GABRG3: variants seen among roughly 807,000 people sequenced by gnomAD.
The protein encoded by GABRG3 is gamma-aminobutyric acid type A receptor subunit gamma3.
Under a neutral mutation model 48.8 loss-of-function variants are expected in GABRG3, and 25 were observed. That is an observed-to-expected ratio of 0.51 (90% CI 0.37 to 0.72). The LOEUF (loss-of-function observed/expected upper bound fraction) is 0.72, where lower values mean the gene tolerates loss of function less well. GABRG3 is among the 30% of genes least tolerant of loss of function. The pLI is 0.00. For missense variants in GABRG3, 394 were observed against 577.9 expected, an observed-to-expected ratio of 0.68 and a Z score of 3.26; for synonymous variants, 227 against 217.6, an observed-to-expected ratio of 1.04 and a Z score of -0.38.
At chr15:27,098,038 GAGTT>G (rs1329984674) in intron 3 of GABRG3, among the ~76,000 whole-genome samples, 3 of 150,850 alleles carry the variant, frequency 2.0e-5, no homozygotes, top group African/African-American at 4.9e-5. Flanking sequence ...CACACAGAAA[GAGTT>G]AGGCCTGAAT....
intron 5 of GABRG3, among the ~76,000 whole-genome samples, chr15:27,383,252 A>G (rs1895829674): frequency 6.6e-6 from 1 of 152,168 alleles, no homozygotes; most frequent in African/African-American, 2.4e-5. Context: ...AGTTTGTGCT[A>G]TTACTTATTT....
chr15:27,334,223 A>C (rs553098934), intron 5 of GABRG3, among the ~76,000 whole-genome samples: 105 of 152,234 alleles, frequency 6.9e-4, no homozygotes, highest in Non-Finnish European at 1.3e-3. Context: ...CAAAATGTTA[A>C]GAATGCCAGT....
chr15:27,481,763 A>T (rs1330798314), intron 6 of GABRG3, among the ~76,000 whole-genome samples: 1 of 152,172 alleles, frequency 6.6e-6, no homozygotes, highest in African/African-American at 2.4e-5. Flanking sequence ...TTTAAATATT[A>T]AACAATGACG....
chr15:27,232,419 C>T (rs575890024), intron 3 of GABRG3, among the ~76,000 whole-genome samples: 4 of 152,180 alleles, frequency 2.6e-5, no homozygotes, highest in Admixed American at 6.5e-5. Context: ...CTTACCCGGG[C>T]GTCCACCTGG....
intron 3 of GABRG3, among the ~76,000 whole-genome samples, chr15:27,186,780 T>G (rs208122): frequency 0.18 from 27,569 of 152,114 alleles, 2,588 homozygotes; most frequent in East Asian, 0.34. Flanking sequence ...TTTTTTCACG[T>G]TTGGTGTCTT....
intron 3 of GABRG3, among the ~76,000 whole-genome samples, chr15:27,313,262 GTATATATATATATATA>G (rs1169926074): frequency 0.019 from 651 of 34,572 alleles, 22 homozygotes; most frequent in East Asian, 0.068. Flanking sequence ...GTGTGTGTGT[GTATATATATATATATA>G]TATATATATA....
intron 5 of GABRG3, among the ~76,000 whole-genome samples, chr15:27,375,482 G>T (rs1465501780): frequency 2.0e-5 from 3 of 152,284 alleles, no homozygotes; most frequent in Middle Eastern, 3.4e-3. Flanking sequence ...AGGGCATAAG[G>T]CCTGGGGCCA....
chr15:27,012,201 T>C (rs1191817328), intron 2 of GABRG3, among the ~76,000 whole-genome samples: 1 of 152,192 alleles, frequency 6.6e-6, no homozygotes, highest in Non-Finnish European at 1.5e-5. Context: ...GGCTAATATG[T>C]TTTTCTTTCA....
chr15:27,022,099 G>A (rs760009843), intron 2 of GABRG3, among the ~76,000 whole-genome samples: 1 of 152,080 alleles, frequency 6.6e-6, no homozygotes, highest in South Asian at 2.1e-4. Context: ...ATGAACGCAT[G>A]CTGAGCCAAG....
At chr15:27,340,865 C>T in intron 5 of GABRG3, 1 of 328,074 alleles carries the variant, frequency 3.0e-6, no homozygotes, top group Non-Finnish European at 6.0e-6. Flanking sequence ...AGAAAAAAGT[C>T]CTATGCTACA....
chr15:27,283,259 G>A (rs945365531), intron 3 of GABRG3, among the ~76,000 whole-genome samples: 1 of 152,118 alleles, frequency 6.6e-6, no homozygotes, highest in Admixed American at 6.5e-5. Context: ...TTGGGGTGGG[G>A]CATGAATTTT....
chr15:27,025,525 G>T (rs960532002), intron 2 of GABRG3, among the ~76,000 whole-genome samples: 1 of 152,206 alleles, frequency 6.6e-6, no homozygotes, highest in Non-Finnish European at 1.5e-5. Flanking sequence ...AATGCCAGCT[G>T]CTCTTGCAGC....
chr15:27,418,865 C>A (rs1888023263), intron 5 of GABRG3: 1 of 152,118 alleles, frequency 6.6e-6, no homozygotes. Context: ...CTATTTAAGT[C>A]AGGACCCAGA....
chr15:27,461,002 C>G (rs1889431395), intron 5 of GABRG3, among the ~76,000 whole-genome samples: 1 of 152,194 alleles, frequency 6.6e-6, no homozygotes, highest in Admixed American at 6.5e-5. Flanking sequence ...TCTGCTCGTT[C>G]CTGTACATCT....
chr15:27,428,810 A>G (rs1033471554), intron 5 of GABRG3, among the ~76,000 whole-genome samples: 1 of 152,210 alleles, frequency 6.6e-6, no homozygotes, highest in Admixed American at 6.5e-5. Context: ...CACACAAACA[A>G]ACAAGAATCT....
chr15:27,427,220 C>T (rs1888319112), intron 5 of GABRG3, among the ~76,000 whole-genome samples: 1 of 152,074 alleles, frequency 6.6e-6, no homozygotes, highest in South Asian at 2.1e-4. Flanking sequence ...ATTTTAAATG[C>T]CTCGTCCTAA....
chr15:27,011,690 T>C (rs972040784), intron 2 of GABRG3, among the ~76,000 whole-genome samples: 1 of 151,714 alleles, frequency 6.6e-6, no homozygotes, highest in African/African-American at 2.4e-5. Context: ...TACTAAAAAA[T>C]ACAAAAAATT....
intron 6 of GABRG3, among the ~76,000 whole-genome samples, chr15:27,514,768 G>A (rs16950124): frequency 0.029 from 4,372 of 152,222 alleles, 204 homozygotes; most frequent in African/African-American, 0.098. Flanking sequence ...TTATGTGGCA[G>A]AATCAAAATG....
In GABRG3 at chr15:27,104,802, C is replaced by A. The variant is rs140296898; in HGVS notation, c.270+77981C>A. Among the ~76,000 whole-genome samples, 804 of 152,340 alleles carry A rather than the reference C, an allele frequency of 5.3e-3. 2 individuals carry two copies. The highest frequency in any genetic ancestry group is 8.5e-3 in the Non-Finnish European group (581 of 68,028). ...GCCATGGTAACAAATCATAGAATTTCTTTCCACTGTTGTCTATGTGGAACT... is the reference window on the plus strand; with the variant it reads ...GCCATGGTAACAAATCATAGAATTTATTTCCACTGTTGTCTATGTGGAACT... On this transcript the variant is annotated intron_variant, in intron 3 of 9. Coordinates refer to ENST00000615808, the MANE Select transcript of GABRG3 (RefSeq NM_033223.5).
Sources: allele counts gnomAD v4.1 joint callset (sites outside exome capture counted in the v4.1 genomes callset), GRCh38; gene constraint gnomAD v4.1.1; transcripts MANE v1.5; gene names NCBI Gene and HGNC (gene_info 2026-07-23, HGNC 2026-07-21).